The following NALF1 variants were observed in gnomAD, a reference collection of about 807,000 sequenced individuals.
NALF1 encodes NALCN channel auxiliary factor 1.
A neutral mutation model predicts 48.4 loss-of-function variants in NALF1; 3 were observed. The ratio of observed to expected loss-of-function variants is 0.06; its 90% CI spans 0.03 to 0.16. The LOEUF (loss-of-function observed/expected upper bound fraction) is 0.16, where lower values mean the gene tolerates loss of function less well. Ranked by LOEUF, NALF1 falls within the 10% of genes least tolerant of loss-of-function variation. The pLI is 1.00. For missense variants in NALF1, 526 were observed against 571.5 expected, an observed-to-expected ratio of 0.92 and a Z score of 0.81; for synonymous variants, 262 against 245.7, an observed-to-expected ratio of 1.07 and a Z score of -0.62.
chr13:107,172,088 C>T (rs1449356047), intron 2 of NALF1, among the ~76,000 whole-genome samples: 1 of 152,162 alleles, frequency 6.6e-6, no homozygotes, highest in African/African-American at 2.4e-5. Flanking sequence ...CCCAGAGCAC[C>T]CAAGCCTGTA....
chr13:107,670,076 T>C, intron 1 of NALF1, among the ~76,000 whole-genome samples: 1 of 152,154 alleles, frequency 6.6e-6, no homozygotes, highest in Admixed American at 6.6e-5. Context: ...GTTGCAGTGA[T>C]ATGTTTATGC....
chr13:107,765,562 G>C (rs537938004), intron 1 of NALF1, among the ~76,000 whole-genome samples: 160 of 152,244 alleles, frequency 1.1e-3, no homozygotes, highest in African/African-American at 3.7e-3. Flanking sequence ...TTATGTGGAT[G>C]TACATAACTG....
At chr13:107,685,410 G>A (rs565163390) in intron 1 of NALF1, among the ~76,000 whole-genome samples, 1 of 152,114 alleles carries the variant, frequency 6.6e-6, no homozygotes, top group East Asian at 1.9e-4. Context: ...CCAAAGGTAG[G>A]GTAGGGGAAT....
At chr13:107,759,979 A>G (rs1194571296) in intron 1 of NALF1, among the ~76,000 whole-genome samples, 1 of 152,190 alleles carries the variant, frequency 6.6e-6, no homozygotes, top group Non-Finnish European at 1.5e-5. Context: ...ACAGTGTGAA[A>G]TATCTATCTA....
Position 107,594,489 on chromosome 13 carries a change from G to A in NALF1, c.915+271193C>T, listed in dbSNP as rs965319497. 2.8e-4 allele frequency among the ~76,000 whole-genome samples: 42 copies of A among 151,748 alleles called. 1 individual carries two copies. Among genetic ancestry groups the A allele is most frequent in the Non-Finnish European group, 1.5e-5 (1 of 67,920 alleles). On this transcript the variant is annotated intron_variant, in intron 1 of 2. Transcript: ENST00000375915. ...CAATCCCCTGTGTCCCTGTGTGCAG[G>A]TTCGCATGCCTGTATGTATTTTTTC...
chr13:107,221,552 C>A (rs1358471017), intron 1 of NALF1, among the ~76,000 whole-genome samples: 1 of 151,964 alleles, frequency 6.6e-6, no homozygotes, highest in African/African-American at 2.4e-5. Flanking sequence ...TGCACTCCAG[C>A]CTGGGTGACA....
chr13:107,625,864 C>T (rs1037196486), intron 1 of NALF1, among the ~76,000 whole-genome samples: 5 of 151,968 alleles, frequency 3.3e-5, no homozygotes, highest in African/African-American at 9.7e-5. Context: ...ACAGGTTGTT[C>T]GGGCAATGTA....
intron 1 of NALF1, among the ~76,000 whole-genome samples, chr13:107,717,548 G>A (rs1009075302): frequency 2.6e-5 from 4 of 151,802 alleles, no homozygotes; most frequent in African/African-American, 2.4e-5. Flanking sequence ...AAGGTATCTC[G>A]GAGATGTTAG....
chr13:107,695,565 T>C (rs1329163912), intron 1 of NALF1, among the ~76,000 whole-genome samples: 1 of 152,190 alleles, frequency 6.6e-6, no homozygotes, highest in Non-Finnish European at 1.5e-5. Context: ...TTTGTGCTTG[T>C]TCAAAGCCCA....
At chr13:107,834,899 G>C (rs997915637) in intron 1 of NALF1, among the ~76,000 whole-genome samples, 4 of 152,130 alleles carry the variant, frequency 2.6e-5, no homozygotes, top group African/African-American at 9.7e-5. Flanking sequence ...ACTAATTCCA[G>C]GTTTAACATG....
intron 2 of NALF1, among the ~76,000 whole-genome samples, chr13:107,195,856 C>T (rs2138788920): frequency 6.6e-6 from 1 of 152,290 alleles, no homozygotes; most frequent in South Asian, 2.1e-4. Context: ...CTTACAATGT[C>T]TCCCTAGAAC....
chr13:107,725,435 C>G (rs543776271), intron 1 of NALF1, among the ~76,000 whole-genome samples: 1 of 152,318 alleles, frequency 6.6e-6, no homozygotes, highest in Admixed American at 6.5e-5. Flanking sequence ...GGGCTGGGCG[C>G]AGTGGCTCAC....
At chr13:107,613,090 G>A (rs924267924) in intron 1 of NALF1, among the ~76,000 whole-genome samples, 6 of 152,048 alleles carry the variant, frequency 3.9e-5, no homozygotes, top group Admixed American at 1.3e-4. Flanking sequence ...TCAAAGGTGA[G>A]GACTCAGATC....
At chr13:107,360,591 T>C (rs2138954377) in intron 1 of NALF1, among the ~76,000 whole-genome samples, 2 of 152,294 alleles carry the variant, frequency 1.3e-5, no homozygotes, top group South Asian at 4.1e-4. Context: ...TTAATGTATA[T>C]TCCTACCTGC....
intron 1 of NALF1, among the ~76,000 whole-genome samples, chr13:107,444,224 A>G (rs1884611470): frequency 6.6e-6 from 1 of 152,200 alleles, no homozygotes; most frequent in Non-Finnish European, 1.5e-5. Flanking sequence ...ATATTATTTT[A>G]TGCAATGCAA....
At chr13:107,657,214 C>A (rs6492064) in intron 1 of NALF1, among the ~76,000 whole-genome samples, 70,978 of 151,780 alleles carry the variant, frequency 0.47, 16,900 homozygotes, top group East Asian at 0.65. Flanking sequence ...TTTTCAGTTT[C>A]AAACTTTTTC....
chr13:107,522,646 C>T (rs552061675), intron 1 of NALF1, among the ~76,000 whole-genome samples: 2 of 151,920 alleles, frequency 1.3e-5, no homozygotes, highest in South Asian at 4.2e-4. Flanking sequence ...TTCTGTAGCC[C>T]AGACTGTACT....
chr13:107,276,897 G>A (rs1369303791), intron 1 of NALF1, among the ~76,000 whole-genome samples: 1 of 152,034 alleles, frequency 6.6e-6, no homozygotes, highest in Non-Finnish European at 1.5e-5. Context: ...TACTGAAGAT[G>A]TCTGATTTGT....
chr13:107,389,979 C>A (rs964666416), intron 1 of NALF1, among the ~76,000 whole-genome samples: 1 of 152,084 alleles, frequency 6.6e-6, no homozygotes, highest in Admixed American at 6.6e-5. Flanking sequence ...AATAAAACTT[C>A]TAGGTTTGAT....
Sources: allele counts gnomAD v4.1 joint callset (sites outside exome capture counted in the v4.1 genomes callset), GRCh38; gene constraint gnomAD v4.1.1; transcripts MANE v1.5; gene names NCBI Gene and HGNC (gene_info 2026-07-23, HGNC 2026-07-21).